Variants in SUCLA2 observed in about 807,000 individuals in gnomAD.
SUCLA2 encodes the protein succinate-CoA ligase ADP-forming subunit beta.
Under a neutral mutation model 54.8 loss-of-function variants are expected in SUCLA2, and 30 were observed. The observed-to-expected ratio is 0.55, with a 90% CI of 0.41 to 0.74. The LOEUF is 0.74. SUCLA2 is among the 30% of genes least tolerant of loss of function. The pLI is 0.00. For missense variants in SUCLA2, 476 were observed against 562.9 expected (o/e 0.85, Z 1.56); for synonymous variants, 172 against 188.9 (o/e 0.91, Z 0.74).
chr13:47,989,271 C>T (rs1593500934), intron 2 of SUCLA2, among the ~76,000 whole-genome samples: 4 of 149,144 alleles, frequency 2.7e-5, no homozygotes, highest in South Asian at 2.1e-4. Context: ...AGTGCAGTGG[C>T]GCGATCTCGG....
chr13:47,975,223 C>T (rs975228063), intron 4 of SUCLA2, among the ~76,000 whole-genome samples: 2 of 150,198 alleles, frequency 1.3e-5, no homozygotes, highest in Non-Finnish European at 3.0e-5. Context: ...TGAAATGATG[C>T]GATCTCAGCT....
At chr13:47,960,144 C>T (rs1949857673) in intron 6 of SUCLA2, among the ~76,000 whole-genome samples, 1 of 152,010 alleles carries the variant, frequency 6.6e-6, no homozygotes, top group African/African-American at 2.4e-5. Flanking sequence ...GCTGGGTTTC[C>T]TGTTTGTTTT....
At chr13:47,961,726 A>T (rs765929286) in intron 6 of SUCLA2, among the ~76,000 whole-genome samples, 1 of 152,150 alleles carries the variant, frequency 6.6e-6, no homozygotes, top group Non-Finnish European at 1.5e-5. Flanking sequence ...GTCTTAATAT[A>T]TGTTGTCAGT....
At chr13:47,945,249 TAAAAAAAAA>T (rs35349385) in intron 10 of SUCLA2, among the ~76,000 whole-genome samples, 1 of 85,226 alleles carries the variant, frequency 1.2e-5, no homozygotes, top group African/African-American at 4.6e-5. Context: ...AACTCTGTCT[TAAAAAAAAA>T]AAAAAAAAAA....
At chr13:47,967,937 G>A (rs1164099532) in intron 6 of SUCLA2, among the ~76,000 whole-genome samples, 1 of 150,258 alleles carries the variant, frequency 6.7e-6, no homozygotes, top group Non-Finnish European at 1.5e-5. Flanking sequence ...AACAATAAAG[G>A]ACAATCTCAG....
At chr13:47,959,549 C>G (rs143645070) in intron 6 of SUCLA2, among the ~76,000 whole-genome samples, 1 of 144,210 alleles carries the variant, frequency 6.9e-6, no homozygotes, top group African/African-American at 2.6e-5. Flanking sequence ...TGGGACTGAT[C>G]GGAAAGCCCA....
chr13:47,946,156 T>C (rs1210504476), intron 10 of SUCLA2, among the ~76,000 whole-genome samples: 1 of 152,264 alleles, frequency 6.6e-6, no homozygotes, highest in Non-Finnish European at 1.5e-5. Flanking sequence ...CATTCACATT[T>C]ATCACGGTAT....
intron 8 of SUCLA2, among the ~76,000 whole-genome samples, chr13:47,953,024 T>C (rs1307289319): frequency 6.6e-6 from 1 of 152,152 alleles, no homozygotes; most frequent in African/African-American, 2.4e-5. Flanking sequence ...CAGCACTACT[T>C]TGTGTCAATC....
intron 6 of SUCLA2, among the ~76,000 whole-genome samples, chr13:47,955,998 C>T (rs1052469772): frequency 2.0e-5 from 3 of 152,088 alleles, no homozygotes; most frequent in African/African-American, 7.2e-5. Context: ...GTCTTTACAC[C>T]ATAGCTCCCA....
At chr13:47,952,509 A>T (rs1949784177) in intron 8 of SUCLA2, among the ~76,000 whole-genome samples, 1 of 152,050 alleles carries the variant, frequency 6.6e-6, no homozygotes, top group African/African-American at 2.4e-5. Context: ...TTTGCCTCTG[A>T]CAGCATGAAA....
intron 6 of SUCLA2, among the ~76,000 whole-genome samples, chr13:47,963,754 T>C (rs1949892620): frequency 1.3e-5 from 2 of 152,180 alleles, no homozygotes; most frequent in South Asian, 2.1e-4. Flanking sequence ...GTTCTGTTTG[T>C]TGAAAAGGCC....
intron 4 of SUCLA2, among the ~76,000 whole-genome samples, chr13:47,983,576 G>A (rs1268029454): frequency 2.7e-5 from 4 of 149,532 alleles, no homozygotes; most frequent in South Asian, 2.1e-4. Flanking sequence ...TGCAAGCTCC[G>A]CCTCCCGGGT....
chr13:47,966,059 G>C (rs991376100), intron 6 of SUCLA2, among the ~76,000 whole-genome samples: 1 of 152,036 alleles, frequency 6.6e-6, no homozygotes, highest in Non-Finnish European at 1.5e-5. Flanking sequence ...AAAAAGAAAA[G>C]AATATTCTTG....
At position 47,973,356 on chromosome 13, in the gene SUCLA2, T is replaced by C; in HGVS notation, c.571A>G (p.Asn191Asp). The change falls in exon 5 of 11, where the codon AAC becomes GAC. Residue 191 changes from asparagine to aspartate, a missense_variant. Asn to Asp is a conservative substitution (Grantham distance 23, BLOSUM62 1). Coordinates refer to ENST00000646932, the MANE Select transcript of SUCLA2 (RefSeq NM_003850.3). ...GACTCAGCAGCAACATCTTCAATGTTGACACCACCATGTGAACTTCCTATT... is the reference window on the plus strand; with the variant it reads ...GACTCAGCAGCAACATCTTCAATGTCGACACCACCATGTGAACTTCCTATT... Reference protein sequence around the residue: ...VLIGSSHGGVNIEDVAAESPE... With the variant: ...VLIGSSHGGVDIEDVAAESPE... The C allele has an allele frequency of 3.1e-6, 5 of 1,613,794 alleles. No homozygotes were observed. The South Asian group carries it at 5.5e-5, about 18-fold the overall frequency.
chr13:47,965,494 T>TTA (rs751887684), intron 6 of SUCLA2: 31 of 311,148 alleles, frequency 1.0e-4, no homozygotes, highest in Middle Eastern at 1.6e-3. Flanking sequence ...ACCCCTTCTT[T>TTA]AAAAAAAAAA....
intron 6 of SUCLA2, among the ~76,000 whole-genome samples, chr13:47,957,699 T>C (rs1434023986): frequency 1.3e-5 from 2 of 152,226 alleles, no homozygotes; most frequent in African/African-American, 4.8e-5. Flanking sequence ...GCACCCTAAC[T>C]GTTTCAGTAA....
At position 47,954,376 on chromosome 13, in the gene SUCLA2, A is replaced by G; in HGVS notation, c.964+20T>C. 2.5e-6 allele frequency: 4 copies of G among 1,613,978 alleles called. No individual in the cohort carries two copies. Among genetic ancestry groups the G allele is most frequent in the Non-Finnish European group, 3.4e-6 (4 of 1,179,884 alleles). On this transcript the variant is annotated intron_variant, in intron 7 of 10. Coordinates refer to ENST00000646932, the MANE Select transcript of SUCLA2 (RefSeq NM_003850.3). ...AATTAAACTTAGTGAATCCAATTCT[A>G]ACATAAAAACACATGGTACCTAGGC...
At position 47,949,593 on chromosome 13, in the gene SUCLA2, A is replaced by G; in HGVS notation, c.1118T>C (p.Ile373Thr). The change falls in exon 9 of 11, where the codon ATT becomes ACT. Residue 373 changes from isoleucine (I) to threonine (T), a missense_variant. By Grantham distance (89) the Ile-to-Thr change is moderately conservative (BLOSUM62 -1). This residue lies in a region of SUCLA2 where 342 missense variants were observed against 444.2 expected (regional missense o/e 0.77). Coordinates refer to ENST00000646932, the MANE Select transcript of SUCLA2 (RefSeq NM_003850.3). Reference protein sequence around the residue: ...LITSDKKVLAILVNIFGGIMR... With the variant: ...LITSDKKVLATLVNIFGGIMR... The stretch of plus-strand genomic sequence containing the variant: ...GATTCCTCCAAAAATGTTGACCAGA[A>G]TAGCCAGTACCTATGAATAAAGTGT... 6.2e-7 allele frequency: 1 copy of G among 1,613,494 alleles called. No individual in the cohort carries two copies. Among genetic ancestry groups the G allele is most frequent in the South Asian group, 1.1e-5 (1 of 91,076 alleles).
chr13:47,944,880 T>C (rs888997194), intron 10 of SUCLA2, among the ~76,000 whole-genome samples: 3 of 152,102 alleles, frequency 2.0e-5, no homozygotes, highest in African/African-American at 4.8e-5. Context: ...CCCAGCACTT[T>C]GGAAGGCCGA....
Sources: allele counts gnomAD v4.1 joint callset (sites outside exome capture counted in the v4.1 genomes callset), GRCh38; gene constraint gnomAD v4.1.1; regional missense constraint gnomAD v4.1.1; transcripts MANE v1.5; gene names NCBI Gene and HGNC (gene_info 2026-07-23, HGNC 2026-07-21).